The following RBM6 variants were observed in gnomAD, a reference collection of about 807,000 sequenced individuals.
RBM6 encodes the protein RNA-binding protein 6.
A neutral mutation model predicts 140.4 loss-of-function variants in RBM6; 23 were observed. The ratio of observed to expected loss-of-function variants is 0.16; its 90% CI spans 0.12 to 0.23. The LOEUF (loss-of-function observed/expected upper bound fraction) is 0.23, where lower values mean the gene tolerates loss of function less well. RBM6 is among the 10% of genes least tolerant of loss of function. RBM6 has a pLI of 1.00. For missense variants in RBM6, 1,139 were observed against 1,386.7 expected, an observed-to-expected ratio of 0.82 and a Z score of 2.84; for synonymous variants, 439 against 475.6, an observed-to-expected ratio of 0.92 and a Z score of 1.00.
At chr3:50,049,013 G>A (rs1032889283) in intron 7 of RBM6, among the ~76,000 whole-genome samples, 5 of 151,882 alleles carry the variant, frequency 3.3e-5, no homozygotes, top group African/African-American at 1.2e-4. Flanking sequence ...ATGTTGGCCA[G>A]GCTGGTCTTG....
At chr3:49,977,280 A>G (rs551362337) in intron 5 of RBM6, among the ~76,000 whole-genome samples, 43 of 152,266 alleles carry the variant, frequency 2.8e-4, no homozygotes, top group African/African-American at 8.7e-4. Context: ...GGGTCTTTGC[A>G]CTACTCTTCT....
intron 20 of RBM6, among the ~76,000 whole-genome samples, chr3:50,076,032 G>A (rs1201011580): frequency 2.0e-5 from 3 of 151,064 alleles, no homozygotes; most frequent in East Asian, 2.0e-4. Context: ...GCAGTGGTGC[G>A]ATCTCAGCTC....
At position 50,057,834 on chromosome 3, in the gene RBM6, G is replaced by T. The variant is rs756131843; in HGVS notation, c.1800G>T (p.Lys600Asn). The change falls in exon 9 of 21, where the codon AAG becomes AAT. Residue 600 changes from lysine to asparagine, a missense_variant. Lys to Asn is a moderately conservative substitution (Grantham distance 94). This residue lies in a region of RBM6 where 109 missense variants were observed against 101.9 expected (regional missense o/e 1.07). Coordinates refer to ENST00000266022, the MANE Select transcript of RBM6 (RefSeq NM_005777.3). ...ACCAGCCCCTAAGACCAGCTGATAA[G>T]GAACCTGAACCCAGGAAGAGGGAAG... ...QPNQPLRPADKEPEPRKREEG... is the reference protein window; with the variant it reads ...QPNQPLRPADNEPEPRKREEG... 6.2e-7 allele frequency: 1 copy of T among 1,613,912 alleles called. No individual in the cohort carries two copies. The highest frequency in any genetic ancestry group is 8.5e-7 in the Non-Finnish European group (1 of 1,179,990).
chr3:49,981,531 A>C (rs2085305253), intron 5 of RBM6: 1 of 152,214 alleles, frequency 6.6e-6, no homozygotes, highest in South Asian at 2.1e-4. Flanking sequence ...GTGACTTAAT[A>C]ATAAGCAAGT....
At chr3:50,008,010 C>T (rs2086665998) in intron 6 of RBM6, among the ~76,000 whole-genome samples, 1 of 152,100 alleles carries the variant, frequency 6.6e-6, no homozygotes. Context: ...GTAGGAGGAT[C>T]ACTTGTGCCC....
At chr3:50,074,128 C>T (rs2090389121) in intron 19 of RBM6, among the ~76,000 whole-genome samples, 1 of 152,088 alleles carries the variant, frequency 6.6e-6, no homozygotes, top group African/African-American at 2.4e-5. Flanking sequence ...TGCACCCGGC[C>T]ACCAAGCAGC....
At chr3:50,020,270 G>T (rs1021674709) in intron 6 of RBM6, among the ~76,000 whole-genome samples, 2 of 151,884 alleles carry the variant, frequency 1.3e-5, no homozygotes, top group African/African-American at 4.8e-5. Context: ...TTTTTTCTTA[G>T]ACTGGTTAAA....
At chr3:49,976,554 C>T (rs1453889816) in intron 5 of RBM6, among the ~76,000 whole-genome samples, 1 of 152,140 alleles carries the variant, frequency 6.6e-6, no homozygotes, top group Non-Finnish European at 1.5e-5. Context: ...ATGCCTTATA[C>T]ATGCTTTCTT....
At chr3:49,964,746 A>G (rs2084431774) in intron 2 of RBM6, among the ~76,000 whole-genome samples, 1 of 152,228 alleles carries the variant, frequency 6.6e-6, no homozygotes, top group African/African-American at 2.4e-5. Context: ...TTTTGTAAGT[A>G]AGGCTGTTTC....
chr3:49,983,161 A>G (rs1403994403), intron 5 of RBM6, among the ~76,000 whole-genome samples: 1 of 152,222 alleles, frequency 6.6e-6, no homozygotes, highest in African/African-American at 2.4e-5. Context: ...TACATTTCTT[A>G]AGGGTAACAG....
At chr3:50,068,873 C>A in intron 18 of RBM6, 109 bp downstream of exon 18, 1 of 982,488 alleles carries the variant, frequency 1.0e-6, no homozygotes. Flanking sequence ...AGAACAAAAG[C>A]AGCCTCAAAA....
At chr3:49,993,114 G>T (rs79918315) in intron 5 of RBM6, among the ~76,000 whole-genome samples, 1 of 152,082 alleles carries the variant, frequency 6.6e-6, no homozygotes, top group Non-Finnish European at 1.5e-5. Flanking sequence ...AAACTCTGGG[G>T]CAAAGACGTT....
At chr3:50,069,433 G>C (rs148726195) in intron 18 of RBM6, among the ~76,000 whole-genome samples, 1 of 151,718 alleles carries the variant, frequency 6.6e-6, no homozygotes, top group African/African-American at 2.4e-5. Context: ...CGCATGAGCT[G>C]GGAGGCAGAG....
chr3:49,998,097 T>C (rs1276888303), intron 5 of RBM6, among the ~76,000 whole-genome samples: 2 of 152,254 alleles, frequency 1.3e-5, no homozygotes, highest in African/African-American at 2.4e-5. Context: ...CCTATACCAT[T>C]GTAATGTTTC....
At chr3:49,992,470 T>C (rs776802538) in intron 5 of RBM6, among the ~76,000 whole-genome samples, 7 of 152,218 alleles carry the variant, frequency 4.6e-5, no homozygotes, top group Non-Finnish European at 8.8e-5. Flanking sequence ...TGAGAAGCAG[T>C]AATGCAGAGG....
chr3:49,940,914 G>A (rs2083257623), intron 1 of RBM6: 1 of 66,740 alleles, frequency 1.5e-5, no homozygotes, highest in Non-Finnish European at 4.0e-5. Flanking sequence ...TTTTTTTGAA[G>A]GAAGGGCCCT....
intron 6 of RBM6, among the ~76,000 whole-genome samples, chr3:50,020,164 C>G (rs887374592): frequency 6.6e-6 from 1 of 152,064 alleles, no homozygotes; most frequent in East Asian, 1.9e-4. Flanking sequence ...CGGGCTCAAG[C>G]AGTCTTCACC....
At chr3:50,006,382 C>T (rs985516954) in intron 6 of RBM6, among the ~76,000 whole-genome samples, 8 of 151,910 alleles carry the variant, frequency 5.3e-5, no homozygotes, top group South Asian at 2.1e-4. Context: ...GTGATCCGCC[C>T]GCCTCGGCCT....
At chr3:50,024,696 G>A (rs1179293473) in intron 6 of RBM6, among the ~76,000 whole-genome samples, 1 of 152,224 alleles carries the variant, frequency 6.6e-6, no homozygotes, top group Non-Finnish European at 1.5e-5. Context: ...GCTCACGCCT[G>A]TTATCCCAGC....
Sources: allele counts gnomAD v4.1 joint callset (sites outside exome capture counted in the v4.1 genomes callset), GRCh38; gene constraint gnomAD v4.1.1; regional missense constraint gnomAD v4.1.1; transcripts MANE v1.5; gene names NCBI Gene and HGNC (gene_info 2026-07-23, HGNC 2026-07-21).